PDGFD: variants seen among roughly 807,000 people sequenced by gnomAD.
PDGFD encodes the protein platelet derived growth factor D.
In PDGFD, 30 loss-of-function variants were observed where a neutral mutation model predicts 44.7. The ratio of observed to expected loss-of-function variants is 0.67; its 90% confidence interval spans 0.50 to 0.91. The LOEUF (loss-of-function observed/expected upper bound fraction) is 0.91, where lower values mean the gene tolerates loss of function less well. PDGFD is among the 40% of genes least tolerant of loss of function. PDGFD has a pLI of 0.00. For synonymous variants in PDGFD, 173 were observed against 168.4 expected (o/e 1.03, Z -0.21); for missense variants, 445 against 457.8 (o/e 0.97, Z 0.25).
intron 1 of PDGFD, among the ~76,000 whole-genome samples, chr11:104,014,254 T>C (rs1440334960): frequency 6.6e-6 from 1 of 152,178 alleles, no homozygotes; most frequent in Non-Finnish European, 1.5e-5. Context: ...CCAGCATATT[T>C]GGGAGGCCAA....
intron 1 of PDGFD, among the ~76,000 whole-genome samples, chr11:104,142,452 T>C (rs1862100210): frequency 1.3e-5 from 2 of 152,140 alleles, no homozygotes; most frequent in African/African-American, 4.8e-5. Context: ...TGTGTATATA[T>C]ATAGTATATG....
At chr11:103,932,320 T>A (rs930427115) in intron 5 of PDGFD, among the ~76,000 whole-genome samples, 1 of 152,150 alleles carries the variant, frequency 6.6e-6, no homozygotes, top group Non-Finnish European at 1.5e-5. Context: ...TATTATAAAA[T>A]AGGCTTTGTG....
At chr11:103,955,205 A>AAAAAAAAAAAAAAAC in intron 3 of PDGFD, among the ~76,000 whole-genome samples, 1 of 133,318 alleles carries the variant, frequency 7.5e-6, no homozygotes, top group South Asian at 2.4e-4. Context: ...AAAAAAAAAA[A>AAAAAAAAAAAAAAAC]AAAACAGTAA....
intron 1 of PDGFD, among the ~76,000 whole-genome samples, chr11:104,041,598 A>C (rs1860354014): frequency 6.6e-6 from 1 of 152,130 alleles, no homozygotes; most frequent in African/African-American, 2.4e-5. Flanking sequence ...CATTTAAAAA[A>C]TCCTTGGCTT....
chr11:104,112,443 C>T (rs566155260), intron 1 of PDGFD, among the ~76,000 whole-genome samples: 6 of 152,144 alleles, frequency 3.9e-5, no homozygotes, highest in African/African-American at 1.2e-4. Flanking sequence ...TAAATTAGTT[C>T]AACCATTGTG....
chr11:104,119,858 T>G (rs1187667540), intron 1 of PDGFD, among the ~76,000 whole-genome samples: 1 of 88,528 alleles, frequency 1.1e-5, no homozygotes, highest in Admixed American at 1.6e-4. Context: ...TATATAATTA[T>G]ATTATATATA....
chr11:104,035,066 G>T (rs1158413713), intron 1 of PDGFD, among the ~76,000 whole-genome samples: 1 of 152,162 alleles, frequency 6.6e-6, no homozygotes, highest in African/African-American at 2.4e-5. Flanking sequence ...AAGTGGGGGT[G>T]GGGGAGAGTA....
rs139155060 is a variant in PDGFD at position 103,914,285 on chromosome 11, C to G, written c.988-4466G>C. On this transcript the variant is annotated intron_variant, in intron 6 of 6. Transcript: ENST00000393158. ...TAAGTTTGCCCACATTCTGTATTCA[C>G]GATAAACAGTTTGCTGTTTGATCAA... 4.5e-3 allele frequency among the ~76,000 whole-genome samples: 686 copies of G among 152,270 alleles called. 8 individuals carry two copies. Among genetic ancestry groups the G allele is most frequent in the African/African-American group, 0.016 (660 of 41,542 alleles).
At chr11:104,138,559 T>G (rs1166196426) in intron 1 of PDGFD, among the ~76,000 whole-genome samples, 1 of 152,202 alleles carries the variant, frequency 6.6e-6, no homozygotes, top group Non-Finnish European at 1.5e-5. Flanking sequence ...TGGGAGCTGT[T>G]AGATGCACAA....
At chr11:104,085,328 C>G (rs1244142998) in intron 1 of PDGFD, among the ~76,000 whole-genome samples, 1 of 152,108 alleles carries the variant, frequency 6.6e-6, no homozygotes, top group African/African-American at 2.4e-5. Context: ...TATAAGTAGG[C>G]TGCTTTTTAT....
intron 1 of PDGFD, among the ~76,000 whole-genome samples, chr11:104,139,480 A>G (rs1222346395): frequency 2.6e-5 from 4 of 152,222 alleles, no homozygotes; most frequent in African/African-American, 9.6e-5. Flanking sequence ...ATGGATCCAA[A>G]CTGAACTAGA....
At chr11:104,099,636 CAATAATAATAATAATAATAATAAT>C in intron 1 of PDGFD, among the ~76,000 whole-genome samples, 1 of 142,754 alleles carries the variant, frequency 7.0e-6, no homozygotes, top group East Asian at 2.0e-4. Flanking sequence ...GTTTCAAAAA[CAATAATAATAATAATAATAATAAT>C]AATAATAATA....
Position 104,148,688 on chromosome 11 carries a change from C to T in PDGFD, c.124+15116G>A, listed in dbSNP as rs1041213223. 6.6e-5 allele frequency among the ~76,000 whole-genome samples: 10 copies of T among 152,118 alleles called. No individual in the cohort carries two copies. In the East Asian group the frequency reaches 1.9e-3, roughly 29 times the overall value. ...GTTTGTTGTACAGATTATTTCATTA[C>T]CTACGTATTAAGCCTTGTACCCATT... On this transcript the variant is annotated intron_variant, in intron 1 of 6. Coordinates refer to ENST00000393158, the MANE Select transcript of PDGFD (RefSeq NM_025208.5).
chr11:103,974,273 C>T (rs1859149286), intron 3 of PDGFD, among the ~76,000 whole-genome samples: 1 of 152,064 alleles, frequency 6.6e-6, no homozygotes, highest in African/African-American at 2.4e-5. Context: ...ACTGCCCAAA[C>T]TTCATCAAGA....
chr11:104,139,093 C>T (rs1330345033), intron 1 of PDGFD, among the ~76,000 whole-genome samples: 4 of 152,094 alleles, frequency 2.6e-5, no homozygotes, highest in African/African-American at 9.7e-5. Flanking sequence ...GTTTATGGTG[C>T]TTTGAATTTT....
At chr11:103,992,062 A>C (rs542935846) in intron 3 of PDGFD, among the ~76,000 whole-genome samples, 1 of 152,334 alleles carries the variant, frequency 6.6e-6, no homozygotes, top group South Asian at 2.1e-4. Context: ...AGGAGATCCT[A>C]ATTTATTTAG....
At chr11:104,037,641 C>A in intron 1 of PDGFD, 2 of 1,613,912 alleles carry the variant, frequency 1.2e-6, no homozygotes, top group Non-Finnish European at 1.7e-6. Flanking sequence ...AGGCTTGTGC[C>A]GAGCGATGTA....
Position 104,000,040 on chromosome 11 carries a change from T to A in PDGFD, c.329+11A>T, listed in dbSNP as rs974299398. The A allele has an allele frequency of 6.2e-7, 1 of 1,606,088 alleles. No homozygotes were observed. Among genetic ancestry groups the A allele is most frequent in the Admixed American group, 1.7e-5 (1 of 59,456 alleles). ...TGAAATAGTACCGTAAAAATTTTTT[T>A]CCCAACTTACCTACAGATATCATTT... is the stretch of plus-strand genomic sequence containing the variant. On this transcript the variant is annotated intron_variant, in intron 2 of 6. Coordinates refer to ENST00000393158, the MANE Select transcript of PDGFD (RefSeq NM_025208.5).
chr11:103,976,513 C>T (rs185912096), intron 3 of PDGFD, among the ~76,000 whole-genome samples: 1 of 151,972 alleles, frequency 6.6e-6, no homozygotes, highest in Non-Finnish European at 1.5e-5. Context: ...ATCTGAATAC[C>T]CTTTATTTCT....
Sources: gnomAD v4.1 joint callset for allele counts (sites outside exome capture counted in the v4.1 genomes callset) on GRCh38, gnomAD v4.1.1 for gene constraint, MANE v1.5 for transcripts, NCBI Gene and HGNC (gene_info 2026-07-23, HGNC 2026-07-21) for gene names.